NUP210L: variants seen among roughly 807,000 people sequenced by gnomAD.
NUP210L encodes nuclear pore membrane glycoprotein 210-like.
NUP210L carries 74 observed loss-of-function variants against 208.5 expected under a neutral mutation model. The ratio of observed to expected loss-of-function variants is 0.35; its 90% CI spans 0.29 to 0.43. NUP210L has a LOEUF of 0.43. Among genes scored for constraint, NUP210L ranks in the 20% least tolerant of loss-of-function variants. The pLI, the probability that NUP210L is intolerant of heterozygous loss-of-function variation, is 1.00. For missense variants in NUP210L, 1,843 were observed against 2,289.4 expected (o/e 0.81, Z 3.98); for synonymous variants, 780 against 816.9 (o/e 0.95, Z 0.77).
intron 16 of NUP210L, among the ~76,000 whole-genome samples, chr1:154,070,790 A>C (rs568858635): frequency 6.6e-6 from 1 of 152,266 alleles, no homozygotes; most frequent in Admixed American, 6.5e-5. Flanking sequence ...GTATCCTAAG[A>C]ATACGAGAAC....
intron 7 of NUP210L, 69 bp downstream of exon 7, chr1:154,135,745 T>C: frequency 7.2e-7 from 1 of 1,387,492 alleles, no homozygotes; most frequent in Non-Finnish European, 1.0e-6. Flanking sequence ...TAAATTATTT[T>C]ACCAAAGAAC....
intron 10 of NUP210L, among the ~76,000 whole-genome samples, chr1:154,122,484 G>A (rs1289984810): frequency 1.3e-5 from 2 of 151,908 alleles, no homozygotes; most frequent in Admixed American, 6.6e-5. Flanking sequence ...GCGAAACCCC[G>A]TTTCTACTAA....
intron 34 of NUP210L, among the ~76,000 whole-genome samples, chr1:154,011,995 C>A: frequency 6.6e-6 from 1 of 152,010 alleles, no homozygotes; most frequent in Non-Finnish European, 1.5e-5. Context: ...TAGGTGTAAG[C>A]CACCGCGCCC....
chr1:154,026,747 T>C (rs887068638), intron 29 of NUP210L, among the ~76,000 whole-genome samples: 1 of 152,090 alleles, frequency 6.6e-6, no homozygotes, highest in Non-Finnish European at 1.5e-5. Context: ...TGATACATGC[T>C]ACAACATGGA....
At chr1:154,029,804 C>G (rs1217187386) in intron 28 of NUP210L, 92 bp downstream of exon 28, 1 of 978,790 alleles carries the variant, frequency 1.0e-6, no homozygotes, top group Non-Finnish European at 1.5e-6. Context: ...AATTATCTGT[C>G]TCTATCCAGA....
At chr1:154,137,256 C>T (rs1200117466) in intron 6 of NUP210L, among the ~76,000 whole-genome samples, 1 of 151,702 alleles carries the variant, frequency 6.6e-6, no homozygotes, top group East Asian at 1.9e-4. Flanking sequence ...GATCCCATTT[C>T]TAACAAAAAA....
intron 17 of NUP210L, among the ~76,000 whole-genome samples, chr1:154,065,892 C>CAAAAAAAAAAAAAAAAAA (rs58053478): frequency 1.6e-5 from 1 of 61,120 alleles, no homozygotes. Context: ...GACTCTGTCT[C>CAAAAAAAAAAAAAAAAAA]AAAAAAAAAA....
chr1:154,143,715 G>T, intron 2 of NUP210L, 138 bp from the exon 3 acceptor site: 1 of 642,876 alleles, frequency 1.6e-6, no homozygotes, highest in South Asian at 2.8e-5. Flanking sequence ...GAAGAAAATA[G>T]CATAATAATA....
At chr1:154,117,505 G>A (rs1256156672) in intron 12 of NUP210L, among the ~76,000 whole-genome samples, 4 of 151,964 alleles carry the variant, frequency 2.6e-5, no homozygotes, top group African/African-American at 4.8e-5. Flanking sequence ...TACTTGAACC[G>A]GGGAGGCAGA....
At chr1:154,056,712 G>T in intron 23 of NUP210L, 103 bp downstream of exon 23, 1 of 1,230,908 alleles carries the variant, frequency 8.1e-7, no homozygotes. Flanking sequence ...GAGCCACTGT[G>T]CCCAGCCAGT....
rs138982053 is a variant in NUP210L, at chr1:154,116,612, G to A, written c.1620+1113C>T. On this transcript the variant is annotated intron_variant, in intron 12 of 39. Coordinates refer to ENST00000368559, the Ensembl canonical transcript of NUP210L. ...TGGGGTGGTGCATATCTGTAGTCCT[G>A]GCTACTTGGGAGGCCAAGGCGGGAG... Among the ~76,000 whole-genome samples the A allele has an allele frequency of 2.6e-3, 402 of 151,882 alleles. 2 individuals are homozygous for A. The highest frequency in any genetic ancestry group is 9.2e-3 in the African/African-American group (383 of 41,436).
rs754365875 is a variant in NUP210L at position 154,012,418 on chromosome 1, T to C, written c.4654-48A>G. ...TCTGCACCTAAGTTCCTAGAGAATCTGACTCCTTCCAGATCCACCCCTCAT... is the reference window on the plus strand; with the variant it reads ...TCTGCACCTAAGTTCCTAGAGAATCCGACTCCTTCCAGATCCACCCCTCAT... On this transcript the variant is annotated intron_variant, in intron 33 of 39. Coordinates refer to ENST00000368559, the Ensembl canonical transcript of NUP210L. 3 of 1,589,852 alleles carry C rather than the reference T, an allele frequency of 1.9e-6. No individual in the cohort carries two copies. The African/African-American group carries it at 4.0e-5, about 21-fold the overall frequency.
exon 39 of NUP210L, chr1:153,993,024 G>T (rs766214032): frequency 2.5e-6 from 4 of 1,613,524 alleles, no homozygotes; most frequent in Middle Eastern, 1.7e-4. Context: ...CCTGGCTGTG[G>T]TGTTCCTAGA....
At chr1:154,023,213 C>A in exon 31 of NUP210L, 2 of 1,613,880 alleles carry the variant, frequency 1.2e-6, no homozygotes, top group Non-Finnish European at 1.7e-6. Context: ...AGAGACATGC[C>A]CAAGGGAAAT....
chr1:154,070,077 G>C, intron 17 of NUP210L, among the ~76,000 whole-genome samples, 196 bp downstream of exon 17: 1 of 152,130 alleles, frequency 6.6e-6, no homozygotes, highest in Admixed American at 6.6e-5. Flanking sequence ...GGGAGAGATA[G>C]CATCAGGAGA....
intron 16 of NUP210L, among the ~76,000 whole-genome samples, chr1:154,088,371 G>A (rs999173209): frequency 1.3e-5 from 2 of 151,678 alleles, no homozygotes; most frequent in Admixed American, 6.6e-5. Context: ...TATGTCAATA[G>A]GGTGATGGAG....
At chr1:153,994,948 G>T (rs972782752) in intron 38 of NUP210L, 128 bp downstream of exon 38, 1 of 561,386 alleles carries the variant, frequency 1.8e-6, no homozygotes, top group African/African-American at 2.0e-5. Flanking sequence ...GGCGGCAGAG[G>T]TTGCTGTAAG....
chr1:153,998,941 C>A (rs1014664319), intron 37 of NUP210L, among the ~76,000 whole-genome samples: 11 of 151,900 alleles, frequency 7.2e-5, no homozygotes, highest in African/African-American at 2.4e-4. Context: ...GTCTTGAACT[C>A]CTGAGCTCAA....
chr1:154,014,947 T>G (rs1651156532), intron 33 of NUP210L, among the ~76,000 whole-genome samples: 1 of 152,164 alleles, frequency 6.6e-6, no homozygotes, highest in African/African-American at 2.4e-5. Context: ...GAGGTTGCAG[T>G]TACCAGAGAT....
Sources: gnomAD v4.1 joint callset for allele counts (sites outside exome capture counted in the v4.1 genomes callset) on GRCh38, gnomAD v4.1.1 for gene constraint, MANE v1.5 for transcripts, NCBI Gene and HGNC (gene_info 2026-07-23, HGNC 2026-07-21) for gene names.